Variants in PRR16 observed in about 807,000 individuals in gnomAD.
PRR16 encodes protein Largen.
PRR16 carries 6 observed loss-of-function variants against 18.2 expected under a neutral mutation model. The ratio of observed to expected loss-of-function variants is 0.33; its 90% confidence interval spans 0.18 to 0.65. The LOEUF (loss-of-function observed/expected upper bound fraction) is 0.65. Ranked by LOEUF, PRR16 falls within the 30% of genes least tolerant of loss-of-function variation. The probability of loss-of-function intolerance (pLI) is 0.74; values close to 1 mark genes in which losing one functional copy is unlikely to be tolerated. For missense variants in PRR16, 412 were observed against 376.6 expected (o/e 1.09, Z -0.78); for synonymous variants, 151 against 147.8 (o/e 1.02, Z -0.16).
chr5:120,565,655 T>C (rs937352521), intron 1 of PRR16, among the ~76,000 whole-genome samples: 2 of 152,186 alleles, frequency 1.3e-5, no homozygotes, highest in African/African-American at 4.8e-5. Flanking sequence ...ACATAAAACA[T>C]AAAAATAAAT....
the PRR16 span, among the ~76,000 whole-genome samples, chr5:120,711,047 C>T: frequency 1.2e-3 from 188 of 152,208 alleles, no homozygotes; most frequent in Non-Finnish European, 2.2e-3. Flanking sequence ...GTCTTTCTCA[C>T]ATTGCATCAC....
intron 1 of PRR16, among the ~76,000 whole-genome samples, chr5:120,651,529 T>A (rs1755788891): frequency 6.6e-6 from 1 of 152,218 alleles, no homozygotes; most frequent in African/African-American, 2.4e-5. Flanking sequence ...AGGGATCCAG[T>A]TTCAGCTTTC....
At chr5:120,525,969 A>T (rs1404609243) in intron 1 of PRR16, among the ~76,000 whole-genome samples, 2 of 152,228 alleles carry the variant, frequency 1.3e-5, no homozygotes, top group East Asian at 3.8e-4. Flanking sequence ...ATAACAACAG[A>T]TTAAACCAGA....
chr5:120,490,899 G>A (rs1044317332), intron 1 of PRR16, among the ~76,000 whole-genome samples: 3 of 152,136 alleles, frequency 2.0e-5, no homozygotes, highest in African/African-American at 7.2e-5. Context: ...CAGGTCTGTT[G>A]GAGTTTGCTG....
chr5:120,707,985 AGC>A, the PRR16 span, among the ~76,000 whole-genome samples: 1 of 152,308 alleles, frequency 6.6e-6, no homozygotes, highest in South Asian at 2.1e-4. Flanking sequence ...TTTGGTTTTT[AGC>A]TTCTAAGAAT....
the PRR16 span, among the ~76,000 whole-genome samples, chr5:120,705,156 TTGCTTAGGTATCAGTAATA>T: frequency 2.6e-5 from 4 of 152,136 alleles, no homozygotes; most frequent in Admixed American, 6.5e-5. Context: ...TCAAAGAATA[TTGCTTAGGTATCAGTAATA>T]TGCTTAGGTA....
intron 1 of PRR16, among the ~76,000 whole-genome samples, chr5:120,596,330 T>G (rs1040265691): frequency 6.6e-6 from 1 of 151,720 alleles, no homozygotes; most frequent in African/African-American, 2.4e-5. Context: ...AGGGTGAAGT[T>G]AAAACATCTG....
At position 120,464,791 on chromosome 5, in the gene PRR16, G is replaced by C. The variant is rs955619703; in HGVS notation, c.159+146G>C. The C allele has an allele frequency of 7.1e-6, 6 of 844,706 alleles. No individual in the cohort carries two copies. In the African/African-American group the frequency reaches 1.0e-4, roughly 14 times the overall value. The allele number at this position is 844,706 out of a possible 1,614,324, so 52.3% of individuals were successfully genotyped here. On this transcript the variant is annotated intron_variant, in intron 1 of 1. Transcript: ENST00000407149. The stretch of plus-strand genomic sequence containing the variant: ...CTGCAGACGGACTTTCTTTGCTCCT[G>C]GAGTCCTGAGAGGAGTTGTTGTTGC...
intron 1 of PRR16, among the ~76,000 whole-genome samples, chr5:120,476,476 C>T (rs985349313): frequency 1.3e-5 from 2 of 152,140 alleles, no homozygotes; most frequent in African/African-American, 4.8e-5. Context: ...TAATCTTTCT[C>T]TATTGATTAC....
At chr5:120,782,401 TTTAA>T in the PRR16 span, among the ~76,000 whole-genome samples, 3 of 152,136 alleles carry the variant, frequency 2.0e-5, no homozygotes, top group Non-Finnish European at 2.9e-5. Flanking sequence ...TCTTGATGAT[TTTAA>T]TTGTTTTATC....
At position 120,686,021 on chromosome 5, in the gene PRR16, A is replaced by C; in HGVS notation, c.227A>C (p.Lys76Thr). Residue 76 changes from lysine (K) to threonine (T), a missense_variant, in exon 2 of 2, where the codon AAA becomes ACA. Transcript: ENST00000407149. The stretch of plus-strand genomic sequence containing the variant: ...GAGGATGAGATGACTGACAGCTCCA[A>C]AACGGACACGCTGAATAGTAGCTCA... ...QLEDEMTDSS[K>T]TDTLNSSSSG... is the part of the protein sequence containing the mutation. 6.2e-7 allele frequency: 1 copy of C among 1,614,152 alleles called. No individual in the cohort carries two copies. The highest frequency in any genetic ancestry group is 2.2e-5 in the East Asian group (1 of 44,880).
At chr5:120,784,987 G>A in the PRR16 span, among the ~76,000 whole-genome samples, 5 of 152,122 alleles carry the variant, frequency 3.3e-5, no homozygotes, top group East Asian at 9.6e-4. Flanking sequence ...CTGACCACCC[G>A]CTGCTATTAG....
intron 1 of PRR16, among the ~76,000 whole-genome samples, chr5:120,564,440 G>A (rs551076066): frequency 6.6e-6 from 1 of 152,250 alleles, no homozygotes; most frequent in South Asian, 2.1e-4. Flanking sequence ...CGACCTCTGG[G>A]ATGAGCATGT....
At chr5:120,599,750 T>C (rs557966549) in intron 1 of PRR16, among the ~76,000 whole-genome samples, 1 of 151,972 alleles carries the variant, frequency 6.6e-6, no homozygotes, top group Admixed American at 6.6e-5. Context: ...TGCCTTGACC[T>C]GGCCTCTAGC....
At chr5:120,515,840 A>G (rs1750971522) in intron 1 of PRR16, among the ~76,000 whole-genome samples, 1 of 152,210 alleles carries the variant, frequency 6.6e-6, no homozygotes, top group East Asian at 1.9e-4. Context: ...GCATTTATGT[A>G]TTATGAGAAT....
rs947164924 is a variant in PRR16, at chr5:120,537,403, C to A, written c.159+72758C>A. Among the ~76,000 whole-genome samples the A allele has an allele frequency of 2.0e-5, 3 of 152,158 alleles. No homozygotes were observed. In the East Asian group the frequency reaches 5.8e-4, roughly 29 times the overall value. On this transcript the variant is annotated intron_variant, in intron 1 of 1. Transcript: ENST00000407149. ...TATAATGTTACATTTGCTTAATTTG[C>A]CACCATATAAAATTCCTCAATTACT... is the stretch of plus-strand genomic sequence containing the variant.
the PRR16 span, among the ~76,000 whole-genome samples, chr5:120,780,759 G>A: frequency 6.6e-6 from 1 of 152,092 alleles, no homozygotes; most frequent in Non-Finnish European, 1.5e-5. Flanking sequence ...CATCCTTCAT[G>A]AAATATAATT....
At chr5:120,679,596 T>C (rs762708216) in intron 1 of PRR16, among the ~76,000 whole-genome samples, 2 of 152,174 alleles carry the variant, frequency 1.3e-5, no homozygotes, top group Non-Finnish European at 2.9e-5. Context: ...CCACATAGCA[T>C]CTGAAAGATT....
At chr5:120,790,383 T>C in the PRR16 span, 1 of 152,220 alleles carries the variant, frequency 6.6e-6, no homozygotes, top group Non-Finnish European at 1.5e-5. Context: ...TAAACTGATT[T>C]ATCATTTGGG....
Sources: gnomAD v4.1 joint callset for allele counts (sites outside exome capture counted in the v4.1 genomes callset) on GRCh38, gnomAD v4.1.1 for gene constraint, MANE v1.5 for transcripts, NCBI Gene and HGNC (gene_info 2026-07-23, HGNC 2026-07-21) for gene names.